The following GDPD4 variants were observed in gnomAD, a reference collection of about 807,000 sequenced individuals.
GDPD4 encodes the protein glycerophosphodiester phosphodiesterase 6.
A neutral mutation model predicts 67.8 loss-of-function variants in GDPD4; 60 were observed. That is an observed-to-expected ratio of 0.88 (90% CI 0.72 to 1.10). The LOEUF (loss-of-function observed/expected upper bound fraction) is 1.10, where lower values mean the gene tolerates loss of function less well. Among genes scored for constraint, GDPD4 ranks in the 50% least tolerant of loss-of-function variants. The pLI is 0.00. For missense variants in GDPD4, 623 were observed against 613.9 expected (o/e 1.01, Z -0.16); for synonymous variants, 212 against 210.9 (o/e 1.00, Z -0.04).
intron 16 of GDPD4, among the ~76,000 whole-genome samples, chr11:77,222,470 C>CTCTT (rs1182373577): frequency 4.6e-5 from 7 of 152,114 alleles, no homozygotes; most frequent in Non-Finnish European, 2.9e-5. Context: ...TGATTTATTT[C>CTCTT]TCTTTCACTT....
At chr11:77,282,076 A>G (rs1959779342) in intron 3 of GDPD4, among the ~76,000 whole-genome samples, 2 of 152,206 alleles carry the variant, frequency 1.3e-5, no homozygotes, top group African/African-American at 4.8e-5. Flanking sequence ...GGATTAAAAT[A>G]TATGATGAGA....
intron 1 of GDPD4, among the ~76,000 whole-genome samples, chr11:77,291,805 C>A (rs1185909748): frequency 6.6e-6 from 1 of 151,996 alleles, no homozygotes; most frequent in Non-Finnish European, 1.5e-5. Flanking sequence ...CCAAGGCAGG[C>A]GGATCAACTG....
chr11:77,283,052 C>G (rs61901769), intron 3 of GDPD4, among the ~76,000 whole-genome samples: 52,018 of 152,056 alleles, frequency 0.34, 9,172 homozygotes, highest in Admixed American at 0.46. Context: ...TTGAAGACTT[C>G]ATTGGTACTG....
chr11:77,263,495 A>T (rs955263941), intron 10 of GDPD4, among the ~76,000 whole-genome samples: 14 of 152,324 alleles, frequency 9.2e-5, no homozygotes, highest in Middle Eastern at 3.4e-3. Flanking sequence ...GTTCTAAAAA[A>T]TGCTCCATTA....
intron 11 of GDPD4, among the ~76,000 whole-genome samples, chr11:77,254,228 T>C (rs943763217): frequency 6.6e-6 from 1 of 152,088 alleles, no homozygotes; most frequent in African/African-American, 2.4e-5. Context: ...GGGACCCCAA[T>C]AGGGGTCCAA....
chr11:77,241,302 A>C (rs775914156), intron 13 of GDPD4, among the ~76,000 whole-genome samples: 3 of 152,194 alleles, frequency 2.0e-5, no homozygotes. Context: ...CATGGGCGAC[A>C]TTATGGTAAG....
chr11:77,227,718 A>G, intron 16 of GDPD4, 146 bp downstream of exon 16: 1 of 655,354 alleles, frequency 1.5e-6, no homozygotes, highest in South Asian at 1.8e-5. Flanking sequence ...TGCCCAGCCT[A>G]TACTTCCCCT....
chr11:77,245,461 A>T lies in GDPD4; in HGVS notation c.906T>A (p.Asp302Glu). 2 of 1,614,148 alleles carry T rather than the reference A, an allele frequency of 1.2e-6. No individual in the cohort carries two copies. The highest frequency in any genetic ancestry group is 1.7e-6 in the Non-Finnish European group (2 of 1,179,992). ...TTGACTGATTTCTTGCTCTTTCTTT[A>T]TCTGCCTCTGATAGAGGTTTCATAT... ...FYNMKPLSEADKERARNQSIP... is the reference protein window; with the variant it reads ...FYNMKPLSEAEKERARNQSIP... The change falls in exon 12 of 17, where the codon GAT (aspartate) becomes GAA (glutamate). Residue 302 changes from aspartate to glutamate, a missense_variant. Asp to Glu is a conservative substitution (Grantham distance 45). Coordinates refer to ENST00000315938, the MANE Select transcript of GDPD4 (RefSeq NM_182833.3).
chr11:77,262,114 A>C (rs1263729864), intron 10 of GDPD4, among the ~76,000 whole-genome samples: 1 of 152,220 alleles, frequency 6.6e-6, no homozygotes, highest in Admixed American at 6.5e-5. Flanking sequence ...TCCCCTTACA[A>C]ACTCTTATTA....
intron 11 of GDPD4, among the ~76,000 whole-genome samples, chr11:77,252,827 A>G (rs1958932710): frequency 6.6e-6 from 1 of 152,148 alleles, no homozygotes; most frequent in Admixed American, 6.5e-5. Flanking sequence ...AGGGGTGTGG[A>G]AATTTGTTGT....
chr11:77,301,442 G>A (rs1187875339), intron 1 of GDPD4, among the ~76,000 whole-genome samples, 163 bp downstream of exon 1: 2 of 152,150 alleles, frequency 1.3e-5, no homozygotes, highest in East Asian at 1.9e-4. Context: ...CTGAACAGGA[G>A]GTCCAGGCCC....
At chr11:77,268,691 T>C in intron 9 of GDPD4, 152 bp from the exon 10 acceptor site, 1 of 753,662 alleles carries the variant, frequency 1.3e-6, no homozygotes, top group Non-Finnish European at 2.3e-6. Flanking sequence ...CCGTCCAAGC[T>C]GATTCTGGGA....
chr11:77,272,069 T>C (rs1047563983), intron 5 of GDPD4, among the ~76,000 whole-genome samples: 2 of 152,224 alleles, frequency 1.3e-5, no homozygotes, highest in Admixed American at 1.3e-4. Context: ...TGCTGCCCTC[T>C]AGACAGTACT....
chr11:77,255,590 G>T (rs1459217735), intron 11 of GDPD4, among the ~76,000 whole-genome samples: 1 of 152,100 alleles, frequency 6.6e-6, no homozygotes, highest in Non-Finnish European at 1.5e-5. Flanking sequence ...GCTGGGTGCG[G>T]TGGCTCACAC....
chr11:77,225,300 C>CAAAAAA (rs34996619), intron 16 of GDPD4, among the ~76,000 whole-genome samples: 24 of 120,612 alleles, frequency 2.0e-4, no homozygotes, highest in African/African-American at 7.7e-4. Flanking sequence ...GACTCTGTCT[C>CAAAAAA]AAAAAAAAAA....
intron 15 of GDPD4, among the ~76,000 whole-genome samples, chr11:77,228,696 G>T (rs191552217): frequency 7.9e-5 from 12 of 151,750 alleles, no homozygotes; most frequent in African/African-American, 2.9e-4. Flanking sequence ...TCAAAAAAAC[G>T]AACAAAAAAA....
intron 16 of GDPD4, among the ~76,000 whole-genome samples, chr11:77,224,064 G>T (rs1277564559): frequency 6.6e-6 from 1 of 152,174 alleles, no homozygotes; most frequent in African/African-American, 2.4e-5. Context: ...CAGTATTAAG[G>T]CTGGCGTGTC....
chr11:77,264,550 CT>C (rs919391802), intron 10 of GDPD4, among the ~76,000 whole-genome samples: 8 of 152,092 alleles, frequency 5.3e-5, no homozygotes. Context: ...TAAAGAAAGT[CT>C]TTCAAAAATG....
Position 77,227,849 on chromosome 11 carries a change from G to C in GDPD4, c.1525+15C>G. 6.2e-7 allele frequency: 1 copy of C among 1,602,782 alleles called. No homozygotes were observed. The highest frequency in any genetic ancestry group is 2.2e-5 in the East Asian group (1 of 44,810). ...GGGATGAAGAGACAGGAGTGGGCTA[G>C]GCCTCTGACTTTACCTGTGCGAGTG... On this transcript the variant is annotated intron_variant, in intron 16 of 16. Transcript: ENST00000315938.
Sources: gnomAD v4.1 joint callset for allele counts (sites outside exome capture counted in the v4.1 genomes callset) on GRCh38, gnomAD v4.1.1 for gene constraint, MANE v1.5 for transcripts, NCBI Gene and HGNC (gene_info 2026-07-23, HGNC 2026-07-21) for gene names.